TRIM24: variants seen among roughly 807,000 people sequenced by gnomAD.
TRIM24 encodes the protein transcription intermediary factor 1-alpha.
Under a neutral mutation model 123.9 loss-of-function variants are expected in TRIM24, and 29 were observed. That is an observed-to-expected ratio of 0.23 (90% CI 0.17 to 0.32). TRIM24 has a LOEUF of 0.32. TRIM24 is among the 10% of genes least tolerant of loss of function. The pLI is 1.00. For synonymous variants in TRIM24, 456 were observed against 461.1 expected (o/e 0.99, Z 0.14); for missense variants, 932 against 1,295.3 (o/e 0.72, Z 4.31).
chr7:138,499,482 G>A (rs1310604811), intron 1 of TRIM24, among the ~76,000 whole-genome samples: 1 of 152,190 alleles, frequency 6.6e-6, no homozygotes, highest in East Asian at 1.9e-4. Flanking sequence ...CTCAAGGCTT[G>A]GGAAAGCTGC....
intron 5 of TRIM24, among the ~76,000 whole-genome samples, chr7:138,528,643 T>G (rs966599544): frequency 1.3e-5 from 2 of 152,146 alleles, no homozygotes; most frequent in Non-Finnish European, 2.9e-5. Context: ...TTTTTCTATT[T>G]AGGTGTATGA....
intron 6 of TRIM24, among the ~76,000 whole-genome samples, chr7:138,529,919 A>G (rs913198455): frequency 4.6e-5 from 7 of 152,192 alleles, no homozygotes; most frequent in African/African-American, 1.7e-4. Context: ...GCATATTGAT[A>G]CAGTAAAGAA....
chr7:138,519,153 T>C (rs1796456994), intron 3 of TRIM24, 36 bp from the exon 4 acceptor site: 1 of 1,613,366 alleles, frequency 6.2e-7, no homozygotes, highest in African/African-American at 1.3e-5. Flanking sequence ...TCAATTATGT[T>C]AATTTTCTTC....
chr7:138,551,210 A>C, intron 8 of TRIM24, 30 bp downstream of exon 8: 2 of 1,542,760 alleles, frequency 1.3e-6, no homozygotes, highest in Non-Finnish European at 1.8e-6. Context: ...TACATTTCTC[A>C]GTGGCATTTG....
chr7:138,568,919 C>T (rs1409904229), intron 10 of TRIM24, among the ~76,000 whole-genome samples: 1 of 152,076 alleles, frequency 6.6e-6, no homozygotes, highest in Admixed American at 6.6e-5. Flanking sequence ...AAAGTATGTA[C>T]ACTCTGTGTC....
At chr7:138,515,150 G>A (rs1796369795) in intron 2 of TRIM24, 62 bp from the exon 3 acceptor site, 15 of 1,552,732 alleles carry the variant, frequency 9.7e-6, no homozygotes, top group Non-Finnish European at 1.2e-5. Context: ...TGTACGCATA[G>A]CTCGAGATAG....
chr7:138,477,824 C>A (rs999568395), intron 1 of TRIM24, among the ~76,000 whole-genome samples: 1 of 152,078 alleles, frequency 6.6e-6, no homozygotes, highest in South Asian at 2.1e-4. Flanking sequence ...AGGTTTGGAG[C>A]TGGATGAAGG....
At chr7:138,500,596 A>G (rs1313820487) in intron 1 of TRIM24, among the ~76,000 whole-genome samples, 2 of 150,124 alleles carry the variant, frequency 1.3e-5, no homozygotes, top group East Asian at 1.9e-4. Flanking sequence ...GAATAAGGCC[A>G]GGCACCATGG....
At chr7:138,467,005 T>C (rs966091074) in intron 1 of TRIM24, among the ~76,000 whole-genome samples, 2 of 152,350 alleles carry the variant, frequency 1.3e-5, no homozygotes, top group Admixed American at 1.3e-4. Context: ...AAAAACTGTA[T>C]GTTAAAACAC....
intron 1 of TRIM24, among the ~76,000 whole-genome samples, chr7:138,472,276 AACT>A (rs953738081): frequency 1.3e-5 from 2 of 151,990 alleles, no homozygotes; most frequent in African/African-American, 4.8e-5. Context: ...GATCCACGAG[AACT>A]ACTGAATTTA....
intron 2 of TRIM24, among the ~76,000 whole-genome samples, chr7:138,511,272 G>A (rs887213974): frequency 1.3e-5 from 2 of 151,788 alleles, no homozygotes; most frequent in East Asian, 1.9e-4. Flanking sequence ...CCAAAAGAGG[G>A]TGGGAGGTGC....
At chr7:138,490,478 C>G (rs1795756570) in intron 1 of TRIM24, 1 of 164,418 alleles carries the variant, frequency 6.1e-6, no homozygotes, top group Admixed American at 6.5e-5. Context: ...ACTTCTTTAC[C>G]CATTAAGCAA....
Position 138,585,424 on chromosome 7 carries a change from T to TA in TRIM24, c.*474dup, listed in dbSNP as rs1797994254. 2 of 263,336 alleles carry TA rather than the reference T, an allele frequency of 7.6e-6. No homozygotes were observed. The allele number at this position is 263,336 out of a possible 1,614,324, so 16.3% of individuals were successfully genotyped here. On this transcript the variant is annotated 3_prime_UTR_variant, in exon 19 of 19. Transcript: ENST00000343526. ...ATGGCCTGACAATATGAATTAGGTG[T>TA]ACTGTACTGAAGAACAGTACTCCAC...
intron 3 of TRIM24, among the ~76,000 whole-genome samples, chr7:138,516,875 G>A (rs551335217): frequency 1.4e-5 from 2 of 147,976 alleles, no homozygotes; most frequent in African/African-American, 2.5e-5. Context: ...TTGGGAGGCC[G>A]AAGTGGGATG....
chr7:138,521,028 G>A (rs1796494283), intron 4 of TRIM24, among the ~76,000 whole-genome samples: 1 of 152,188 alleles, frequency 6.6e-6, no homozygotes, highest in Admixed American at 6.5e-5. Flanking sequence ...GGATAATTAA[G>A]AAAGTAATAT....
chr7:138,584,616 G>T (rs1238938473), intron 18 of TRIM24, 126 bp from the exon 19 acceptor site: 21 of 723,834 alleles, frequency 2.9e-5, no homozygotes, highest in Non-Finnish European at 4.2e-5. Flanking sequence ...CAGAGACTTT[G>T]TCTAGTCCTA....
At chr7:138,567,746 A>G in intron 10 of TRIM24, 92 bp downstream of exon 10, 1 of 1,271,160 alleles carries the variant, frequency 7.9e-7, no homozygotes, top group Non-Finnish European at 1.0e-6. Context: ...CAGGTTATAA[A>G]GAGCCAAGAG....
chr7:138,526,924 G>A (rs1156352680), intron 5 of TRIM24, among the ~76,000 whole-genome samples: 5 of 152,056 alleles, frequency 3.3e-5, no homozygotes, highest in Non-Finnish European at 7.4e-5. Flanking sequence ...GTGGCAAAAG[G>A]TAGCAATCAT....
chr7:138,466,259 T>C (rs1031556828), intron 1 of TRIM24, among the ~76,000 whole-genome samples: 1 of 152,172 alleles, frequency 6.6e-6, no homozygotes, highest in Non-Finnish European at 1.5e-5. Flanking sequence ...CCTCCCGAAG[T>C]GCTGGGATTA....
Sources: allele counts gnomAD v4.1 joint callset (sites outside exome capture counted in the v4.1 genomes callset), GRCh38; gene constraint gnomAD v4.1.1; transcripts MANE v1.5; gene names NCBI Gene and HGNC (gene_info 2026-07-23, HGNC 2026-07-21).